TLCD4: variants seen among roughly 807,000 people sequenced by gnomAD.
TLCD4 encodes TLC domain containing 4.
Under a neutral mutation model 24.2 loss-of-function variants are expected in TLCD4, and 7 were observed. The observed-to-expected ratio is 0.29, with a 90% CI of 0.16 to 0.54. The LOEUF is 0.54. TLCD4 is among the 20% of genes least tolerant of loss of function. The pLI, the probability that TLCD4 is intolerant of heterozygous loss-of-function variation, is 0.95. For missense variants in TLCD4, 259 were observed against 313.9 expected, an observed-to-expected ratio of 0.82 and a Z score of 1.32; for synonymous variants, 103 against 106.4, an observed-to-expected ratio of 0.97 and a Z score of 0.20.
chr1:95,186,730 G>A (rs1276565614), intron 6 of TLCD4, among the ~76,000 whole-genome samples: 2 of 152,224 alleles, frequency 1.3e-5, no homozygotes, highest in African/African-American at 4.8e-5. Context: ...CATTGCTTTA[G>A]TGATGTTTTT....
intron 5 of TLCD4, among the ~76,000 whole-genome samples, chr1:95,156,148 G>A (rs1052321685): frequency 1.3e-5 from 2 of 151,618 alleles, no homozygotes; most frequent in Non-Finnish European, 2.9e-5. Context: ...GTTTATATAA[G>A]TTTTACATAA....
At chr1:95,189,150 A>T (rs1189029336) in intron 6 of TLCD4, among the ~76,000 whole-genome samples, 1 of 152,106 alleles carries the variant, frequency 6.6e-6, no homozygotes. Context: ...CATCAAACAA[A>T]TCCATTTATT....
chr1:95,144,452 C>G (rs1349040719), intron 2 of TLCD4, among the ~76,000 whole-genome samples: 1 of 152,138 alleles, frequency 6.6e-6, no homozygotes, highest in Non-Finnish European at 1.5e-5. Context: ...TTAGCCAGAC[C>G]TGGGGCAGTT....
At chr1:95,115,785 T>G (rs1676417869), upstream of TLCD4, among the ~76,000 whole-genome samples, 1 of 152,192 alleles carries the variant, frequency 6.6e-6, no homozygotes, top group Non-Finnish European at 1.5e-5. Flanking sequence ...AGAACAGAGC[T>G]ACTATCAGCC....
the TLCD4 span, among the ~76,000 whole-genome samples, chr1:95,111,348 GA>G: frequency 1.8e-4 from 27 of 151,062 alleles, no homozygotes; most frequent in East Asian, 5.0e-3. Context: ...GAAAAGAAAT[GA>G]AAGACATTTA....
At chr1:95,174,806 C>T (rs897725736) in intron 6 of TLCD4, among the ~76,000 whole-genome samples, 1 of 152,044 alleles carries the variant, frequency 6.6e-6, no homozygotes, top group Admixed American at 6.5e-5. Context: ...GATGGAGTCT[C>T]GCTTTGTTGC....
intron 5 of TLCD4, among the ~76,000 whole-genome samples, chr1:95,152,483 G>T (rs1313195360): frequency 6.6e-6 from 1 of 151,930 alleles, no homozygotes; most frequent in Non-Finnish European, 1.5e-5. Flanking sequence ...TTTCTTAAAT[G>T]ATTTTGTTAT....
At chr1:95,154,152 T>C (rs759689462) in intron 5 of TLCD4, among the ~76,000 whole-genome samples, 3 of 152,166 alleles carry the variant, frequency 2.0e-5, no homozygotes, top group Non-Finnish European at 2.9e-5. Context: ...TGCACCTGTT[T>C]TGTTGAAATG....
Position 95,150,247 on chromosome 1 carries a change from C to A in TLCD4, c.285C>A (p.Ala95=), listed in dbSNP as rs773910522. The part of the protein sequence containing the change: ...PSLANVNIAI[A]SGYLISDLSI... The stretch of plus-strand genomic sequence containing the variant: ...TTGCAAACGTGAATATTGCTATTGC[C>A]TCAGGCTACCTCATTTCTGGTATGT... Residue 95 remains alanine, a synonymous_variant, in exon 4 of 7, where the codon GCC becomes GCA. Transcript: ENST00000370203. The A allele has an allele frequency of 3.9e-5, 62 of 1,609,594 alleles. 1 individual carries two copies. In the East Asian group the frequency reaches 4.7e-4, roughly 12 times the overall value.
At chr1:95,155,382 A>G (rs1004808926) in intron 5 of TLCD4, among the ~76,000 whole-genome samples, 14 of 152,192 alleles carry the variant, frequency 9.2e-5, no homozygotes, top group African/African-American at 3.1e-4. Context: ...GAGTAGAGAC[A>G]CCACACTAAC....
chr1:95,095,565 T>C, the TLCD4 span, among the ~76,000 whole-genome samples: 3 of 151,888 alleles, frequency 2.0e-5, no homozygotes, highest in Non-Finnish European at 2.9e-5. Flanking sequence ...GCCCAGCTAA[T>C]CTTTTGTATT....
chr1:95,122,090 G>T (rs943741497), intron 1 of TLCD4, among the ~76,000 whole-genome samples: 1 of 152,220 alleles, frequency 6.6e-6, no homozygotes, highest in East Asian at 1.9e-4. Flanking sequence ...GGTGGCTGGC[G>T]TGGTGGCTCA....
intron 1 of TLCD4, among the ~76,000 whole-genome samples, chr1:95,133,578 G>A (rs1016506257): frequency 2.6e-5 from 4 of 152,130 alleles, no homozygotes; most frequent in Non-Finnish European, 5.9e-5. Flanking sequence ...GATATTGAAC[G>A]TTTTCATATG....
At chr1:95,141,055 T>G (rs763156531) in intron 1 of TLCD4, among the ~76,000 whole-genome samples, 4 of 152,208 alleles carry the variant, frequency 2.6e-5, no homozygotes, top group Non-Finnish European at 1.5e-5. Flanking sequence ...TCTGTTGAGC[T>G]TTTAATGGAA....
Position 95,191,908 on chromosome 1 carries a change from A to G in TLCD4, c.*40A>G. ...TAAGCAAACTTCATTACTACCCAGC[A>G]TATCTGCTGATAGGATGAATTCTTG... On this transcript the variant is annotated 3_prime_UTR_variant, in exon 7 of 7. Transcript: ENST00000370203. The G allele has an allele frequency of 6.4e-7, 1 of 1,573,260 alleles. No homozygotes were observed. The highest frequency in any genetic ancestry group is 8.6e-7 in the Non-Finnish European group (1 of 1,162,558).
chr1:95,163,414 T>A (rs1474555244), intron 5 of TLCD4: 1 of 127,834 alleles, frequency 7.8e-6, no homozygotes, highest in Non-Finnish European at 1.9e-5. Flanking sequence ...CTTTTTTGCA[T>A]GTTTTTAGCT....
chr1:95,188,389 GAA>G (rs60956010), intron 6 of TLCD4, among the ~76,000 whole-genome samples: 2 of 104,548 alleles, frequency 1.9e-5, no homozygotes, highest in African/African-American at 7.9e-5. Context: ...CTCCGTCTCA[GAA>G]AAAAAAAAAA....
chr1:95,115,925 G>A (rs1443952525), upstream of TLCD4, among the ~76,000 whole-genome samples: 2 of 152,188 alleles, frequency 1.3e-5, no homozygotes, highest in Admixed American at 6.6e-5. Context: ...TGCCCACAGA[G>A]AGTTATGAAA....
chr1:95,160,831 C>T (rs1677771808), intron 5 of TLCD4, among the ~76,000 whole-genome samples: 1 of 152,186 alleles, frequency 6.6e-6, no homozygotes, highest in South Asian at 2.1e-4. Flanking sequence ...TTGAACCAGC[C>T]TTGTATCCCA....
Sources: allele counts gnomAD v4.1 joint callset (sites outside exome capture counted in the v4.1 genomes callset), GRCh38; gene constraint gnomAD v4.1.1; transcripts MANE v1.5; gene names NCBI Gene and HGNC (gene_info 2026-07-23, HGNC 2026-07-21).